KCND2: variants seen among roughly 807,000 people sequenced by gnomAD.
KCND2 encodes potassium voltage-gated channel subfamily D member 2.
A neutral mutation model predicts 54.4 loss-of-function variants in KCND2; 16 were observed. The observed-to-expected ratio is 0.29, with a 90% CI of 0.20 to 0.45. The LOEUF (loss-of-function observed/expected upper bound fraction) is 0.45, where lower values mean the gene tolerates loss of function less well. Ranked by LOEUF, KCND2 falls within the 20% of genes least tolerant of loss-of-function variation. KCND2 has a pLI of 1.00. For synonymous variants in KCND2, 317 were observed against 310.7 expected, an observed-to-expected ratio of 1.02 and a Z score of -0.21; for missense variants, 486 against 824.2, an observed-to-expected ratio of 0.59 and a Z score of 5.02.
At chr7:120,699,694 C>A (rs1296848743) in intron 1 of KCND2, among the ~76,000 whole-genome samples, 1 of 152,046 alleles carries the variant, frequency 6.6e-6, no homozygotes, top group East Asian at 1.9e-4. Flanking sequence ...ATGGTGATGT[C>A]AGAGAAATGT....
chr7:120,724,480 A>G (rs1370138108), intron 1 of KCND2, among the ~76,000 whole-genome samples: 2 of 152,238 alleles, frequency 1.3e-5, no homozygotes, highest in Non-Finnish European at 2.9e-5. Flanking sequence ...GGAAAGACGT[A>G]GTACATTCCA....
intron 1 of KCND2, among the ~76,000 whole-genome samples, chr7:120,292,106 C>T (rs888870814): frequency 3.3e-5 from 5 of 151,678 alleles, no homozygotes; most frequent in Non-Finnish European, 7.4e-5. Flanking sequence ...ATGTGCAACA[C>T]AAAATAATAA....
intron 1 of KCND2, among the ~76,000 whole-genome samples, chr7:120,679,119 C>A (rs1328062979): frequency 1.3e-5 from 2 of 151,664 alleles, no homozygotes; most frequent in African/African-American, 4.8e-5. Context: ...TACCCTGAGG[C>A]TTTATTTTAT....
At chr7:120,587,468 C>A (rs10156125) in intron 1 of KCND2, among the ~76,000 whole-genome samples, 17,967 of 152,082 alleles carry the variant, frequency 0.12, 1,734 homozygotes, top group African/African-American at 0.28. Flanking sequence ...CATGATCAGT[C>A]AGAATGGTTT....
chr7:120,477,111 T>C (rs1488627629), intron 1 of KCND2, among the ~76,000 whole-genome samples: 1 of 152,204 alleles, frequency 6.6e-6, no homozygotes, highest in Non-Finnish European at 1.5e-5. Context: ...TGGATTTGTT[T>C]AGAAATGCTC....
intron 1 of KCND2, among the ~76,000 whole-genome samples, chr7:120,335,468 C>CTTATTTATTTATTTAT (rs757550470): frequency 3.6e-5 from 4 of 110,662 alleles, no homozygotes; most frequent in East Asian, 2.3e-4. Flanking sequence ...TACTTACTTA[C>CTTATTTATTTATTTAT]TTATTTATTT....
intron 1 of KCND2, among the ~76,000 whole-genome samples, chr7:120,567,079 G>A (rs571955083): frequency 2.0e-5 from 3 of 151,734 alleles, no homozygotes; most frequent in South Asian, 2.1e-4. Flanking sequence ...TTATTTGAAG[G>A]AAAAAAAACT....
chr7:120,433,859 G>C (rs1263278865), intron 1 of KCND2, among the ~76,000 whole-genome samples: 2 of 152,166 alleles, frequency 1.3e-5, no homozygotes, highest in Non-Finnish European at 2.9e-5. Flanking sequence ...GGTGAGTGAT[G>C]ATGGGATTAT....
chr7:120,421,504 CAG>C (rs1014687126), intron 1 of KCND2, among the ~76,000 whole-genome samples: 4 of 152,154 alleles, frequency 2.6e-5, no homozygotes, highest in African/African-American at 7.2e-5. Context: ...ATTTTGAAGA[CAG>C]AATGAGAAAG....
rs193200957 is a variant in KCND2 at position 120,371,012 on chromosome 7, C to T, written c.1115+95265C>T. Reference sequence around the variant, plus strand: ...GAGGTTTATTTCTCCCTAGTTGCAGCTCTGCTTCTTACTGCCTTCATTTTG... The same window carrying T: ...GAGGTTTATTTCTCCCTAGTTGCAGTTCTGCTTCTTACTGCCTTCATTTTG... On this transcript the variant is annotated intron_variant, in intron 1 of 5. Coordinates refer to ENST00000331113, the MANE Select transcript of KCND2 (RefSeq NM_012281.3). Among the ~76,000 whole-genome samples the T allele has an allele frequency of 8.5e-5, 13 of 152,204 alleles. 1 individual carries two copies. In the East Asian group the frequency reaches 2.3e-3, roughly 27 times the overall value.
At chr7:120,398,625 CA>C (rs1801195753) in intron 1 of KCND2, among the ~76,000 whole-genome samples, 1 of 152,050 alleles carries the variant, frequency 6.6e-6, no homozygotes, top group South Asian at 2.1e-4. Context: ...ATATACAATG[CA>C]AACAGTAAAA....
At chr7:120,480,261 C>A (rs192236257) in intron 1 of KCND2, among the ~76,000 whole-genome samples, 187 of 152,004 alleles carry the variant, frequency 1.2e-3, no homozygotes, top group African/African-American at 4.1e-3. Flanking sequence ...CCCCTCTTAA[C>A]GGAGAAGTAG....
chr7:120,327,132 G>T (rs757930090), intron 1 of KCND2, among the ~76,000 whole-genome samples: 3 of 152,032 alleles, frequency 2.0e-5, no homozygotes, highest in Non-Finnish European at 4.4e-5. Flanking sequence ...GGATCAACAA[G>T]AGAAAAGATT....
At chr7:120,351,412 A>ACACACTCT (rs1239086324) in intron 1 of KCND2, among the ~76,000 whole-genome samples, 5 of 99,804 alleles carry the variant, frequency 5.0e-5, no homozygotes, top group South Asian at 4.8e-4. Context: ...ACACACACAC[A>ACACACTCT]CTCTCTCTCT....
intron 1 of KCND2, among the ~76,000 whole-genome samples, chr7:120,339,969 G>C (rs1800217245): frequency 6.6e-6 from 1 of 152,158 alleles, no homozygotes; most frequent in African/African-American, 2.4e-5. Context: ...AAAGAGGACA[G>C]GTGGCTAAAG....
chr7:120,586,166 GACACAC>G (rs144481094), intron 1 of KCND2, among the ~76,000 whole-genome samples: 3 of 150,416 alleles, frequency 2.0e-5, no homozygotes, highest in African/African-American at 4.9e-5. Context: ...CTCACACACA[GACACAC>G]ACACACACAC....
intron 1 of KCND2, among the ~76,000 whole-genome samples, chr7:120,587,988 C>A (rs1321850759): frequency 6.6e-6 from 1 of 152,074 alleles, no homozygotes; most frequent in Non-Finnish European, 1.5e-5. Flanking sequence ...TGTTTATATT[C>A]ATGTTCATTT....
At chr7:120,712,406 G>T (rs1047557592) in intron 1 of KCND2, among the ~76,000 whole-genome samples, 1 of 150,808 alleles carries the variant, frequency 6.6e-6, no homozygotes, top group Non-Finnish European at 1.5e-5. Context: ...TGGGATTATA[G>T]GTGCCCGCTA....
intron 1 of KCND2, among the ~76,000 whole-genome samples, chr7:120,377,207 AT>A (rs1275074974): frequency 6.6e-6 from 1 of 151,922 alleles, no homozygotes; most frequent in Non-Finnish European, 1.5e-5. Flanking sequence ...CCTTCTGAGG[AT>A]TTTTTAGAAG....
Sources: allele counts gnomAD v4.1 joint callset (sites outside exome capture counted in the v4.1 genomes callset), GRCh38; gene constraint gnomAD v4.1.1; transcripts MANE v1.5; gene names NCBI Gene and HGNC (gene_info 2026-07-23, HGNC 2026-07-21).